ABLIM3: variants seen among roughly 807,000 people sequenced by gnomAD.
The protein encoded by ABLIM3 is actin binding LIM protein family member 3, also known as actin-binding LIM protein 3.
A neutral mutation model predicts 109.5 loss-of-function variants in ABLIM3; 61 were observed. That is an observed-to-expected ratio of 0.56 (90% confidence interval 0.45 to 0.69). ABLIM3 has a LOEUF of 0.69. Ranked by LOEUF, ABLIM3 falls within the 30% of genes least tolerant of loss-of-function variation. ABLIM3 has a pLI of 0.00. For synonymous variants in ABLIM3, 300 were observed against 324.8 expected (o/e 0.92, Z 0.82); for missense variants, 796 against 889.5 (o/e 0.89, Z 1.34).
chr5:149,239,260 T>C lies in ABLIM3; in HGVS notation c.1057T>C (p.Leu353=). Residue 353 remains leucine, a synonymous_variant, in exon 12 of 24, where the codon TTA becomes CTA. Transcript: ENST00000309868. ...RCGYGESLGT[L]SPYSQDIYEN... ...CTTCACTTCTAAGTCGCTGGGAACATTATCTCCCTACTCCCAGGTAATTCA... is the reference window on the plus strand; with the variant it reads ...CTTCACTTCTAAGTCGCTGGGAACACTATCTCCCTACTCCCAGGTAATTCA... The C allele has an allele frequency of 6.2e-7, 1 of 1,614,092 alleles. No individual in the cohort carries two copies. Among genetic ancestry groups the C allele is most frequent in the Non-Finnish European group, 8.5e-7 (1 of 1,179,970 alleles).
At chr5:149,177,797 C>A (rs1446192943) in intron 2 of ABLIM3, among the ~76,000 whole-genome samples, 1 of 152,200 alleles carries the variant, frequency 6.6e-6, no homozygotes, top group Admixed American at 6.5e-5. Flanking sequence ...GGTGAGGAGA[C>A]ATGGATTCAG....
At chr5:149,141,905 C>T (rs1752490775) in intron 1 of ABLIM3, 104 bp from the exon 2 acceptor site, 8 of 793,436 alleles carry the variant, frequency 1.0e-5, no homozygotes, top group South Asian at 1.7e-5. Flanking sequence ...AGTCCACGCG[C>T]CTTCAAGGCC....
chr5:149,241,168 C>T (rs1465694857), intron 14 of ABLIM3, among the ~76,000 whole-genome samples: 1 of 152,244 alleles, frequency 6.6e-6, no homozygotes, highest in Admixed American at 6.5e-5. Flanking sequence ...GAGCCAGTTA[C>T]TTGGCTTCCC....
intron 2 of ABLIM3, among the ~76,000 whole-genome samples, chr5:149,172,790 G>A (rs1215641181): frequency 6.6e-6 from 1 of 152,100 alleles, no homozygotes; most frequent in Non-Finnish European, 1.5e-5. Flanking sequence ...TTACCTGCCT[G>A]GCCTCTAAAA....
At chr5:149,170,734 T>G (rs1274263039) in intron 2 of ABLIM3, among the ~76,000 whole-genome samples, 1 of 152,232 alleles carries the variant, frequency 6.6e-6, no homozygotes, top group Non-Finnish European at 1.5e-5. Context: ...TTTGAAACTT[T>G]GAATGATGCT....
chr5:149,209,123 C>T (rs533256409), intron 6 of ABLIM3, among the ~76,000 whole-genome samples: 9 of 152,176 alleles, frequency 5.9e-5, no homozygotes, highest in African/African-American at 2.2e-4. Flanking sequence ...TTTGGCATTC[C>T]CCTCTATGCC....
intron 6 of ABLIM3, among the ~76,000 whole-genome samples, chr5:149,208,386 CAATTTCTCTT>C (rs1264480542): frequency 0.019 from 1,231 of 64,714 alleles, 17 homozygotes; most frequent in Admixed American, 0.023. Context: ...CTCTCTCTCT[CAATTTCTCTT>C]TCTCTCTCTC....
intron 2 of ABLIM3, among the ~76,000 whole-genome samples, chr5:149,175,487 T>C (rs999745483): frequency 3.9e-5 from 6 of 151,980 alleles, no homozygotes; most frequent in African/African-American, 1.5e-4. Context: ...CCCTGGCACA[T>C]GGGTAGGGAG....
rs773436511 is a variant in ABLIM3, at chr5:149,240,782, C to A, written c.1303+8C>A. 4.3e-6 allele frequency: 7 copies of A among 1,613,078 alleles called. No homozygotes were observed. In the Admixed American group the frequency reaches 1.2e-4, roughly 27 times the overall value. On this transcript the variant is annotated splice_region_variant and intron_variant, in intron 14 of 23. Coordinates refer to ENST00000309868, the MANE Select transcript of ABLIM3 (RefSeq NM_014945.5). ...AGCACTTTCACATCCCAGGTAGGCA[C>A]TGCCAGCCCAGAATTCCTGGGATGG...
At position 149,260,454 on chromosome 5, in the gene ABLIM3, T is replaced by C. The variant is rs982728249; in HGVS notation, c.*2050T>C. On this transcript the variant is annotated 3_prime_UTR_variant, in exon 24 of 24. Transcript: ENST00000309868. ...TCAACCCTAAACCTGTGTGCTTCTGTTGTTTCTTGTGTGGGAGTGGAAATG... is the reference window on the plus strand; with the variant it reads ...TCAACCCTAAACCTGTGTGCTTCTGCTGTTTCTTGTGTGGGAGTGGAAATG... The C allele has an allele frequency of 6.6e-6, 1 of 152,524 alleles. No homozygotes were observed. The highest frequency in any genetic ancestry group is 1.5e-5 in the Non-Finnish European group (1 of 68,016). The allele number at this position is 152,524 out of a possible 1,614,324, so 9.4% of individuals were successfully genotyped here.
At chr5:149,155,388 G>C (rs1234011083) in intron 2 of ABLIM3, among the ~76,000 whole-genome samples, 1 of 152,148 alleles carries the variant, frequency 6.6e-6, no homozygotes, top group Non-Finnish European at 1.5e-5. Context: ...ACAGAGAACT[G>C]GACCTCAGAC....
intron 1 of ABLIM3, 137 bp from the exon 2 acceptor site, chr5:149,141,869 TCTC>T (rs1752486122): frequency 3.3e-6 from 2 of 608,106 alleles, no homozygotes; most frequent in African/African-American, 3.7e-5. Flanking sequence ...GCCGCCTCCT[TCTC>T]CTTGCTCTCA....
intron 8 of ABLIM3, among the ~76,000 whole-genome samples, chr5:149,221,599 A>G (rs1760657826): frequency 6.6e-6 from 1 of 152,212 alleles, no homozygotes; most frequent in South Asian, 2.1e-4. Context: ...TTGTGTATTC[A>G]ATCTTTTAAC....
chr5:149,241,037 C>A (rs942812224), intron 14 of ABLIM3, among the ~76,000 whole-genome samples: 1 of 152,204 alleles, frequency 6.6e-6, no homozygotes, highest in African/African-American at 2.4e-5. Flanking sequence ...GAGTGAGATA[C>A]CGTGAGTGCT....
chr5:149,153,255 A>C (rs1019171644), intron 2 of ABLIM3, among the ~76,000 whole-genome samples: 1 of 152,208 alleles, frequency 6.6e-6, no homozygotes, highest in East Asian at 1.9e-4. Context: ...TAGAACCTCT[A>C]TCTACCCAGT....
At chr5:149,258,247 C>T in intron 23 of ABLIM3, 44 bp from the exon 24 acceptor site, 2 of 1,578,088 alleles carry the variant, frequency 1.3e-6, no homozygotes, top group Non-Finnish European at 1.7e-6. Context: ...TCATGCTGCT[C>T]TCTTTCTCTG....
At chr5:149,169,105 A>T (rs1013896019) in intron 2 of ABLIM3, among the ~76,000 whole-genome samples, 19 of 41,754 alleles carry the variant, frequency 4.6e-4, no homozygotes, top group Admixed American at 2.3e-3. Context: ...CCCCCGTCTC[A>T]CCCTAACTCT....
rs185816311 is a variant in ABLIM3, at chr5:149,184,155, A to G, written c.151+566A>G. Among the ~76,000 whole-genome samples, 33 of 152,060 alleles carry G rather than the reference A, an allele frequency of 2.2e-4. No individual in the cohort carries two copies. In the East Asian group the frequency reaches 6.4e-3, roughly 29 times the overall value. ...GCTAATTTATATACTCCTAGACTCA[A>G]CCAAGCTAAGAGTTCCTAAAGAAGA... On this transcript the variant is annotated intron_variant, in intron 3 of 23. Coordinates refer to ENST00000309868, the MANE Select transcript of ABLIM3 (RefSeq NM_014945.5).
chr5:149,239,537 A>AG (rs1752576942), intron 12 of ABLIM3, among the ~76,000 whole-genome samples: 3 of 152,108 alleles, frequency 2.0e-5, no homozygotes, highest in African/African-American at 7.2e-5. Flanking sequence ...TTGACCCCAT[A>AG]GATTCCATTC....
Sources: allele counts gnomAD v4.1 joint callset (sites outside exome capture counted in the v4.1 genomes callset), GRCh38; gene constraint gnomAD v4.1.1; transcripts MANE v1.5; gene names NCBI Gene and HGNC (gene_info 2026-07-23, HGNC 2026-07-21).